Variants in SPECC1L observed in about 807,000 individuals in gnomAD.
SPECC1L encodes sperm antigen with calponin homology and coiled-coil domains 1 like, also known as cytospin-A.
Under a neutral mutation model 116.8 loss-of-function variants are expected in SPECC1L, and 40 were observed. The observed-to-expected ratio is 0.34, with a 90% CI of 0.27 to 0.45. The LOEUF is 0.45. Ranked by LOEUF, SPECC1L falls within the 20% of genes least tolerant of loss-of-function variation. SPECC1L has a pLI of 1.00. For synonymous variants in SPECC1L, 504 were observed against 500.6 expected (o/e 1.01, Z -0.09); for missense variants, 1,110 against 1,373.6 (o/e 0.81, Z 3.03).
intron 3 of SPECC1L, among the ~76,000 whole-genome samples, chr22:24,308,073 T>TG (rs1055303465): frequency 6.6e-6 from 1 of 150,890 alleles, no homozygotes; most frequent in Non-Finnish European, 1.5e-5. Flanking sequence ...TTTTTGGGGG[T>TG]GGGGGGGCTG....
intron 11 of SPECC1L, among the ~76,000 whole-genome samples, chr22:24,362,959 A>T (rs982750955): frequency 1.3e-5 from 2 of 152,202 alleles, no homozygotes; most frequent in African/African-American, 4.8e-5. Context: ...GCAGTAGAGG[A>T]TCTTTGAATT....
chr22:24,346,425 C>T (rs2041297262), intron 10 of SPECC1L, among the ~76,000 whole-genome samples: 1 of 152,222 alleles, frequency 6.6e-6, no homozygotes, highest in Non-Finnish European at 1.5e-5. Context: ...GTAGCATTAG[C>T]AAGCGGGTGG....
chr22:24,408,122 C>G (rs759140830), intron 14 of SPECC1L, among the ~76,000 whole-genome samples: 1 of 152,182 alleles, frequency 6.6e-6, no homozygotes, highest in Non-Finnish European at 1.5e-5. Flanking sequence ...GGTTCCTGTC[C>G]TGTCCTGTCT....
At chr22:24,341,219 T>G (rs2041170900) in intron 10 of SPECC1L, among the ~76,000 whole-genome samples, 1 of 152,226 alleles carries the variant, frequency 6.6e-6, no homozygotes, top group Admixed American at 6.5e-5. Flanking sequence ...TATAGAAATC[T>G]GCGTAGGCAT....
intron 4 of SPECC1L, among the ~76,000 whole-genome samples, chr22:24,318,099 T>G (rs961454452): frequency 6.8e-5 from 10 of 147,808 alleles, no homozygotes; most frequent in African/African-American, 2.7e-4. Context: ...GCAGAGACGC[T>G]CCTCACTTCC....
chr22:24,342,848 GA>G (rs1241135332), intron 10 of SPECC1L, among the ~76,000 whole-genome samples: 1 of 151,890 alleles, frequency 6.6e-6, no homozygotes, highest in Admixed American at 6.6e-5. Context: ...TGGAGCCCAA[GA>G]AAAAAAGGCG....
intron 1 of SPECC1L, among the ~76,000 whole-genome samples, chr22:24,274,835 T>C (rs2146318394): frequency 6.6e-6 from 1 of 152,272 alleles, no homozygotes; most frequent in African/African-American, 2.4e-5. Context: ...TGACCCCTGT[T>C]CTCCTTCCCC....
At chr22:24,410,836 G>T (rs1003774) in intron 14 of SPECC1L, among the ~76,000 whole-genome samples, 78,710 of 151,886 alleles carry the variant, frequency 0.52, 20,523 homozygotes, top group African/African-American at 0.55. Flanking sequence ...GAGGATCTTT[G>T]ACATGCTTCA....
chr22:24,362,055 C>T (rs1390791520), intron 11 of SPECC1L, among the ~76,000 whole-genome samples: 1 of 152,128 alleles, frequency 6.6e-6, no homozygotes, highest in Non-Finnish European at 1.5e-5. Flanking sequence ...GGCTGAGAGT[C>T]TTCATTACAT....
chr22:24,336,513 A>T (rs1022218060), intron 9 of SPECC1L, among the ~76,000 whole-genome samples: 1 of 152,114 alleles, frequency 6.6e-6, no homozygotes, highest in African/African-American at 2.4e-5. Context: ...AGGTGGTAAC[A>T]TGCTATCACC....
chr22:24,276,930 A>G (rs2048848941), intron 2 of SPECC1L, 127 bp downstream of exon 2: 1 of 191,184 alleles, frequency 5.2e-6, no homozygotes, highest in Non-Finnish European at 1.1e-5. Flanking sequence ...CTTGCCCAGG[A>G]GCAACTGAAT....
At chr22:24,341,545 A>G (rs1364500584) in intron 10 of SPECC1L, among the ~76,000 whole-genome samples, 1 of 152,240 alleles carries the variant, frequency 6.6e-6, no homozygotes. Context: ...GATCTTTAAA[A>G]ATAAGATGCA....
rs557900629 is a variant in SPECC1L, at chr22:24,360,138, T to C, written c.2744-3123T>C. ...ATGGCAATAGAATAGAATCTGTTAC[T>C]GTAAACATAATATCTCCTGCCTGCT... On this transcript the variant is annotated intron_variant, in intron 11 of 16. Transcript: ENST00000314328. 3.9e-5 allele frequency among the ~76,000 whole-genome samples: 6 copies of C among 152,374 alleles called. No individual in the cohort carries two copies. The South Asian group carries it at 1.2e-3, about 32-fold the overall frequency.
At position 24,322,440 on chromosome 22, in the gene SPECC1L, G is replaced by T; in HGVS notation, c.1460G>T (p.Arg487Leu). 1.2e-6 allele frequency: 2 copies of T among 1,614,148 alleles called. No individual in the cohort carries two copies. Among genetic ancestry groups the T allele is most frequent in the Non-Finnish European group, 1.7e-6 (2 of 1,180,034 alleles). The change falls in exon 5 of 17, where the codon CGC (arginine) becomes CTC (leucine). Residue 487 changes from arginine to leucine, a missense_variant. This residue lies in a region of SPECC1L where 575 missense variants were observed against 682.4 expected (regional missense o/e 0.84). Transcript: ENST00000314328. ...YVIDEDVKSG[R>L]YMELEQRYMD... ...ATAGATGAAGATGTAAAAAGTGGGCGCTATATGGAATTAGAGCAACGTTAC... is the reference window on the plus strand; with the variant it reads ...ATAGATGAAGATGTAAAAAGTGGGCTCTATATGGAATTAGAGCAACGTTAC...
chr22:24,368,105 AAG>A (rs1341235478), intron 13 of SPECC1L, among the ~76,000 whole-genome samples: 1 of 152,228 alleles, frequency 6.6e-6, no homozygotes, highest in Non-Finnish European at 1.5e-5. Flanking sequence ...GGTCTGGCCT[AAG>A]GCAGGATATT....
At chr22:24,355,677 T>A (rs2041518848) in intron 11 of SPECC1L, among the ~76,000 whole-genome samples, 1 of 152,190 alleles carries the variant, frequency 6.6e-6, no homozygotes, top group South Asian at 2.1e-4. Context: ...TTGTTCAACC[T>A]TACTATACAT....
At chr22:24,311,825 AAAAG>A (rs2040466811) in intron 3 of SPECC1L, among the ~76,000 whole-genome samples, 1 of 151,596 alleles carries the variant, frequency 6.6e-6, no homozygotes, top group Admixed American at 6.6e-5. Flanking sequence ...AAAAAAAAAA[AAAAG>A]AATATGAACA....
intron 9 of SPECC1L, among the ~76,000 whole-genome samples, chr22:24,335,871 T>C (rs779482431): frequency 6.6e-6 from 1 of 151,998 alleles, no homozygotes; most frequent in Non-Finnish European, 1.5e-5. Flanking sequence ...ATGTATAATA[T>C]AAGATAGTGT....
chr22:24,376,301 C>G (rs2041971036), intron 14 of SPECC1L, among the ~76,000 whole-genome samples: 1 of 152,100 alleles, frequency 6.6e-6, no homozygotes, highest in African/African-American at 2.4e-5. Context: ...GCTGGGACTA[C>G]AGGTGTAGGC....
Sources: gnomAD v4.1 joint callset for allele counts (sites outside exome capture counted in the v4.1 genomes callset) on GRCh38, gnomAD v4.1.1 for gene constraint, gnomAD v4.1.1 regional missense constraint, MANE v1.5 for transcripts, NCBI Gene and HGNC (gene_info 2026-07-23, HGNC 2026-07-21) for gene names.